The following RNF123 variants were observed in gnomAD, a reference collection of about 807,000 sequenced individuals.
RNF123 encodes the protein E3 ubiquitin-protein ligase RNF123.
In RNF123, 86 loss-of-function variants were observed where a neutral mutation model predicts 168.5. The observed-to-expected ratio is 0.51, with a 90% CI of 0.43 to 0.61. The LOEUF is 0.61. RNF123 is among the 20% of genes least tolerant of loss of function. RNF123 has a pLI of 0.00. For synonymous variants in RNF123, 666 were observed against 689.1 expected, an observed-to-expected ratio of 0.97 and a Z score of 0.52; for missense variants, 1,419 against 1,729.7, an observed-to-expected ratio of 0.82 and a Z score of 3.19.
chr3:49,704,936 A>G (rs1016828594), intron 22 of RNF123, 48 bp from the exon 23 acceptor site: 1 of 1,543,082 alleles, frequency 6.5e-7, no homozygotes. Flanking sequence ...CCGTGGGCCA[A>G]GGGAACCCTG....
chr3:49,712,175 A>C (rs1405024625), intron 26 of RNF123, among the ~76,000 whole-genome samples: 6 of 152,086 alleles, frequency 3.9e-5, no homozygotes, highest in African/African-American at 1.4e-4. Flanking sequence ...CCAGTGAGCC[A>C]AGAGGGCGTC....
Position 49,721,061 on chromosome 3 carries a change from C to T in RNF123, c.3780C>T (p.His1260=). 6.2e-7 allele frequency: 1 copy of T among 1,613,846 alleles called. No individual in the cohort carries two copies. Among genetic ancestry groups the T allele is most frequent in the South Asian group, 1.1e-5 (1 of 91,026 alleles). The change falls in exon 38 of 39, where the codon CAC becomes CAT. Residue 1260 remains histidine, a synonymous_variant. Coordinates refer to ENST00000327697, the MANE Select transcript of RNF123 (RefSeq NM_022064.5). ...ACCTCTGCCCCATCTGCTATGCCCA[C>T]CCCATCTCTGCTGTGTTCCAGCCCT... The part of the protein sequence containing the change: ...EEDLCPICYA[H]PISAVFQPCG...
intron 35 of RNF123, chr3:49,720,261 A>T (rs377154911): frequency 4.9e-5 from 15 of 303,408 alleles, no homozygotes; most frequent in African/African-American, 3.2e-4. Flanking sequence ...GGTTGCAGTG[A>T]GCCGAGATCG....
In RNF123 at chr3:49,699,513, T is replaced by C; in HGVS notation, c.810T>C (p.Ala270=). 1 of 1,612,088 alleles carries C rather than the reference T, an allele frequency of 6.2e-7. No homozygotes were observed. The highest frequency in any genetic ancestry group is 8.5e-7 in the Non-Finnish European group (1 of 1,179,386). Residue 270 remains alanine, a synonymous_variant, in exon 11 of 39, where the codon GCT becomes GCC. Coordinates refer to ENST00000327697, the MANE Select transcript of RNF123 (RefSeq NM_022064.5). This position sits in a 1 kb window ranked among gnomAD's most constrained non-coding sequence, Gnocchi z 4.8. The part of the protein sequence containing the change: ...GYRPLQDPPS[A]DLVRAQRLLG... The stretch of plus-strand genomic sequence containing the variant: ...GGCCCCTGCAGGACCCACCGAGTGC[T>C]GACCTGGTGCGGGCACAGAGGTTGC...
Position 49,712,641 on chromosome 3 carries a change from A to G in RNF123, c.2659A>G (p.Met887Val). The change falls in exon 27 of 39, where the codon ATG becomes GTG. Residue 887 changes from methionine to valine, a missense_variant. Physicochemically the swap from Met to Val is conservative, Grantham distance 21. Transcript: ENST00000327697. ...GAATTACTTTGGTCCCGTGCACAGC[A>G]TGGAGGAGCTCCCAGGTGATGGAAC... ...LKNYFGPVHS[M>V]EELPGYEETL... 1 of 1,614,136 alleles carries G rather than the reference A, an allele frequency of 6.2e-7. No individual in the cohort carries two copies. The highest frequency in any genetic ancestry group is 8.5e-7 in the Non-Finnish European group (1 of 1,180,020).
intron 35 of RNF123, chr3:49,719,156 C>T: frequency 1.2e-6 from 2 of 1,613,554 alleles, no homozygotes; most frequent in South Asian, 1.1e-5. Context: ...TTGACGAAGA[C>T]GCCGCGACCC....
At chr3:49,718,287 C>G in intron 35 of RNF123, 1 of 1,613,074 alleles carries the variant, frequency 6.2e-7, no homozygotes, top group Non-Finnish European at 8.5e-7. Flanking sequence ...GCACAAGGCC[C>G]ACGGCACAGC....
chr3:49,690,124 T>C (rs1017264614), intron 1 of RNF123, among the ~76,000 whole-genome samples: 4 of 149,034 alleles, frequency 2.7e-5, no homozygotes, highest in African/African-American at 7.5e-5. Context: ...GTGGCGGGAG[T>C]AGAGGGTCTG....
chr3:49,717,810 A>AT, intron 35 of RNF123: 1 of 887,236 alleles, frequency 1.1e-6, no homozygotes, highest in Non-Finnish European at 1.7e-6. Context: ...GAGAAGGCCC[A>AT]TTGTGTTTCG....
chr3:49,702,519 C>T, intron 19 of RNF123, 114 bp downstream of exon 19: 1 of 1,605,798 alleles, frequency 6.2e-7, no homozygotes, highest in Non-Finnish European at 8.5e-7. Flanking sequence ...CCAAGCTTTT[C>T]TCTGCTGCTT....
intron 31 of RNF123, among the ~76,000 whole-genome samples, chr3:49,714,410 C>T (rs921831646): frequency 2.6e-5 from 4 of 152,228 alleles, no homozygotes. Context: ...TACATGTGCC[C>T]TTTGGGCCTG....
At chr3:49,707,550 C>T (rs2054542725) in intron 26 of RNF123, among the ~76,000 whole-genome samples, 1 of 152,152 alleles carries the variant, frequency 6.6e-6, no homozygotes, top group African/African-American at 2.4e-5. Context: ...CTCTCCCTGC[C>T]CCTCTTGGCA....
At chr3:49,716,546 C>G in intron 35 of RNF123, 69 bp downstream of exon 35, 7 of 1,290,488 alleles carry the variant, frequency 5.4e-6, no homozygotes, top group Non-Finnish European at 7.7e-6. Context: ...TGGACAGGGC[C>G]TCCTGGTACT....
chr3:49,693,453 T>G (rs1273479856), intron 3 of RNF123, among the ~76,000 whole-genome samples: 1 of 146,830 alleles, frequency 6.8e-6, no homozygotes, highest in Non-Finnish European at 1.5e-5. Context: ...GCCTCCCAAG[T>G]TCTAGTAATT....
chr3:49,712,283 C>T (rs1026972457), intron 26 of RNF123, among the ~76,000 whole-genome samples, 196 bp from the exon 27 acceptor site: 1 of 152,184 alleles, frequency 6.6e-6, no homozygotes. Context: ...GTAATGCGCC[C>T]TCCAGGCTGA....
rs1410832552 is a variant in RNF123 at position 49,704,765 on chromosome 3, GTGGGGGCAGGCGGTGGGATT to G, written c.1959+12_1959+31del. 1 of 1,566,026 alleles carries G rather than the reference GTGGGGGCAGGCGGTGGGATT, an allele frequency of 6.4e-7. No homozygotes were observed. The highest frequency in any genetic ancestry group is 2.0e-5 in the Admixed American group (1 of 50,232). ...CCCCAGCTATGGCCCAGGTGCCGCA[GTGGGGGCAGGCGGTGGGATT>G]TGTGTTGGGCTTATCCTGTATCTTA... On this transcript the variant is annotated intron_variant, in intron 22 of 38. Transcript: ENST00000327697.
At chr3:49,703,721 C>T (rs771908790) in intron 21 of RNF123, among the ~76,000 whole-genome samples, 193 bp downstream of exon 21, 12 of 152,222 alleles carry the variant, frequency 7.9e-5, no homozygotes, top group Non-Finnish European at 1.2e-4. Context: ...CCAGCACCCA[C>T]GCCATAGGGG....
chr3:49,702,405 G>T lies in RNF123; in HGVS notation c.1629G>T (p.Gly543=). 1 of 1,614,124 alleles carries T rather than the reference G, an allele frequency of 6.2e-7. No homozygotes were observed. The highest frequency in any genetic ancestry group is 8.5e-7 in the Non-Finnish European group (1 of 1,179,994). Residue 543 remains glycine, a splice_region_variant and synonymous_variant, in exon 19 of 39, where the codon GGG becomes GGT. Coordinates refer to ENST00000327697, the MANE Select transcript of RNF123 (RefSeq NM_022064.5). ...TGCAGGAGAACGCCAGTGGCCGGGG[G>T]GTAGGTGTCCTCCAGGCCAGCCCAC... ...KFLQENASGR[G]NMPMLCPPEY...
chr3:49,691,362 C>T (rs1350652657), intron 2 of RNF123, 63 bp from the exon 3 acceptor site: 84 of 1,599,790 alleles, frequency 5.3e-5, no homozygotes, highest in Non-Finnish European at 1.7e-6. Flanking sequence ...TCTCTGGGGC[C>T]AGCAGGGGCC....
Sources: gnomAD v4.1 joint callset for allele counts (sites outside exome capture counted in the v4.1 genomes callset) on GRCh38, gnomAD v4.1.1 for gene constraint, Gnocchi (gnomAD v3.1) non-coding constraint, MANE v1.5 for transcripts, NCBI Gene and HGNC (gene_info 2026-07-23, HGNC 2026-07-21) for gene names.